DEFB124: variants seen among roughly 807,000 people sequenced by gnomAD.
DEFB124 encodes the protein defensin beta 124, also known as beta-defensin 124.
For missense variants in DEFB124, 78 were observed against 83.1 expected (o/e 0.94, Z 0.24); for synonymous variants, 38 against 36.5 (o/e 1.04, Z -0.15).
Position 31,473,016 on chromosome 20 carries a change from C to A in DEFB124, c.-3G>T. 2 of 1,613,974 alleles carry A rather than the reference C, an allele frequency of 1.2e-6. No homozygotes were observed. The highest frequency in any genetic ancestry group is 8.5e-7 in the Non-Finnish European group (1 of 1,179,984). On this transcript the variant is annotated 5_prime_UTR_variant, in exon 2 of 3. Coordinates refer to ENST00000317676, the MANE Select transcript of DEFB124 (RefSeq NM_001037500.2). ...AGGAACAGAAGCAGCTGTGTCATGG[C>A]CACGGGGCTCCTGGGGAGGCTGCTG...
At chr20:31,471,130 G>T (rs562933337) in intron 2 of DEFB124, among the ~76,000 whole-genome samples, 2 of 129,478 alleles carry the variant, frequency 1.5e-5, no homozygotes, top group Non-Finnish European at 3.4e-5. Flanking sequence ...CTGGCCGGGC[G>T]GGGGGTTGAC....
intron 2 of DEFB124, among the ~76,000 whole-genome samples, chr20:31,470,292 CG>C (rs1980208646): frequency 6.9e-6 from 1 of 144,522 alleles, no homozygotes; most frequent in Non-Finnish European, 1.5e-5. Context: ...GGCGGCTGGC[CG>C]GGCAGAGGGG....
intron 2 of DEFB124, among the ~76,000 whole-genome samples, chr20:31,471,034 G>A (rs2122453413): frequency 1.5e-5 from 2 of 135,474 alleles, no homozygotes; most frequent in South Asian, 2.4e-4. Context: ...CCCGGACGGG[G>A]CGGCTGGCCG....
intron 2 of DEFB124, among the ~76,000 whole-genome samples, chr20:31,471,881 G>A (rs1454241049): frequency 6.6e-6 from 1 of 150,398 alleles, no homozygotes; most frequent in Non-Finnish European, 1.5e-5. Flanking sequence ...TTCCTAGACG[G>A]GATGGCGGCG....
chr20:31,471,052 G>C (rs1386050444), intron 2 of DEFB124, among the ~76,000 whole-genome samples: 1 of 136,478 alleles, frequency 7.3e-6, no homozygotes, highest in Admixed American at 7.1e-5. Context: ...CCGGGCGGGG[G>C]GCTGACCCCC....
intron 2 of DEFB124, among the ~76,000 whole-genome samples, chr20:31,466,868 T>G (rs780702191): frequency 6.6e-6 from 1 of 152,080 alleles, no homozygotes; most frequent in Non-Finnish European, 1.5e-5. Context: ...CTGTCCTTCA[T>G]TTATTCACTC....
chr20:31,471,136 T>C (rs868321893), intron 2 of DEFB124, among the ~76,000 whole-genome samples: 6,608 of 53,560 alleles, frequency 0.12, 253 homozygotes, highest in Non-Finnish European at 0.15. Flanking sequence ...GGGCGGGGGG[T>C]TGACCCCCCC....
At chr20:31,471,575 T>G (rs1429544573) in intron 2 of DEFB124, among the ~76,000 whole-genome samples, 2 of 143,302 alleles carry the variant, frequency 1.4e-5, no homozygotes, top group Admixed American at 6.8e-5. Context: ...ACGGGGCGGC[T>G]GCCGGGCGGA....
chr20:31,472,888 C>T lies in DEFB124; in HGVS notation c.58+68G>A, dbSNP rs1359949719. ...CCTCTGTCCTCCAGGACCTGAGAGT[C>T]TAGTCCTCATTTTTACAAGCACACA... is the stretch of plus-strand genomic sequence containing the variant. On this transcript the variant is annotated intron_variant, in intron 2 of 2. Coordinates refer to ENST00000317676, the MANE Select transcript of DEFB124 (RefSeq NM_001037500.2). 5.7e-6 allele frequency: 9 copies of T among 1,569,458 alleles called. No homozygotes were observed. In the Admixed American group the frequency reaches 1.7e-4, roughly 29 times the overall value.
chr20:31,468,205 C>A (rs1285929162), intron 2 of DEFB124, among the ~76,000 whole-genome samples: 3 of 152,238 alleles, frequency 2.0e-5, no homozygotes, highest in Non-Finnish European at 4.4e-5. Flanking sequence ...CCGCTAGCCA[C>A]ACCAACCTCC....
At chr20:31,472,188 G>A (rs1471423273) in intron 2 of DEFB124, among the ~76,000 whole-genome samples, 2 of 152,048 alleles carry the variant, frequency 1.3e-5, no homozygotes, top group East Asian at 3.9e-4. Flanking sequence ...ATCACTCGCG[G>A]TTAGGAGCTG....
chr20:31,472,913 A>G, intron 2 of DEFB124, 43 bp downstream of exon 2: 1 of 1,558,790 alleles, frequency 6.4e-7, no homozygotes, highest in Non-Finnish European at 8.6e-7. Flanking sequence ...ACAAGCACAC[A>G]TGTGCACACA....
chr20:31,471,531 G>A (rs1350331000), intron 2 of DEFB124, among the ~76,000 whole-genome samples: 2 of 146,070 alleles, frequency 1.4e-5, no homozygotes, highest in Non-Finnish European at 1.5e-5. Flanking sequence ...GCGGCTGGCC[G>A]GGCAGGAGGC....
Position 31,465,529 on chromosome 20 carries a change from C to A in DEFB124, c.193G>T (p.Val65Phe). 1 of 1,614,108 alleles carries A rather than the reference C, an allele frequency of 6.2e-7. No homozygotes were observed. The highest frequency in any genetic ancestry group is 8.5e-7 in the Non-Finnish European group (1 of 1,180,024). ...AGCTACTCATATTCATGCTTGGGGA[C>A]CGGTGGAGGTTTCAATGCATAGGAG... ...CLSYALKPPPVPKHEYE is the reference protein window; with the variant it reads ...CLSYALKPPPFPKHEYE Residue 65 changes from valine (V) to phenylalanine (F), a missense_variant, in exon 3 of 3, where the codon GTC becomes TTC. Coordinates refer to ENST00000317676, the MANE Select transcript of DEFB124 (RefSeq NM_001037500.2).
intron 2 of DEFB124, chr20:31,472,751 G>A (rs896382855): frequency 4.2e-6 from 2 of 471,372 alleles, no homozygotes; most frequent in South Asian, 1.0e-4. Context: ...TATTTATTGA[G>A]AGAATCCCAT....
At chr20:31,471,783 G>A (rs1237272734) in intron 2 of DEFB124, among the ~76,000 whole-genome samples, 1 of 146,934 alleles carries the variant, frequency 6.8e-6, no homozygotes, top group Non-Finnish European at 1.5e-5. Flanking sequence ...GGGCAGAGGC[G>A]CTCCCCACAT....
intron 2 of DEFB124, among the ~76,000 whole-genome samples, chr20:31,472,153 C>T (rs1484311561): frequency 8.6e-5 from 13 of 150,690 alleles, no homozygotes; most frequent in African/African-American, 2.0e-4. Context: ...GCAATCCCGG[C>T]ACCTCGGGAG....
intron 2 of DEFB124, among the ~76,000 whole-genome samples, chr20:31,472,407 G>A (rs1294895905): frequency 6.7e-6 from 1 of 148,476 alleles, no homozygotes; most frequent in Non-Finnish European, 1.5e-5. Flanking sequence ...GAGAGGGAGA[G>A]GGAGACCGAG....
chr20:31,467,318 G>GATACTTACT (rs1980108839), intron 2 of DEFB124, among the ~76,000 whole-genome samples: 14 of 152,352 alleles, frequency 9.2e-5, no homozygotes, highest in Admixed American at 7.8e-4. Flanking sequence ...CTAAGGTAGA[G>GATACTTACT]AATCTTAGAA....
Sources: allele counts gnomAD v4.1 joint callset (sites outside exome capture counted in the v4.1 genomes callset), GRCh38; gene constraint gnomAD v4.1.1; transcripts MANE v1.5; gene names NCBI Gene and HGNC (gene_info 2026-07-23, HGNC 2026-07-21).